Variants in LAMTOR3 observed in about 807,000 individuals in gnomAD.
LAMTOR3 encodes ragulator complex protein LAMTOR3.
Under a neutral mutation model 20.3 loss-of-function variants are expected in LAMTOR3, and 14 were observed. That is an observed-to-expected ratio of 0.69 (90% CI 0.46 to 1.08). The LOEUF (loss-of-function observed/expected upper bound fraction) is 1.08. Ranked by LOEUF, LAMTOR3 falls within the 50% of genes least tolerant of loss-of-function variation. The pLI is 0.00. For synonymous variants in LAMTOR3, 40 were observed against 49.4 expected (o/e 0.81, Z 0.80); for missense variants, 125 against 143.7 (o/e 0.87, Z 0.67).
At chr4:99,887,468 C>T in intron 3 of LAMTOR3, 114 bp from the exon 4 acceptor site, 1 of 383,666 alleles carries the variant, frequency 2.6e-6, no homozygotes, top group Non-Finnish European at 4.4e-6. Context: ...CATAATAATT[C>T]TCATGTATTT....
At chr4:99,887,918 G>A (rs772133904) in intron 3 of LAMTOR3, among the ~76,000 whole-genome samples, 3 of 152,206 alleles carry the variant, frequency 2.0e-5, no homozygotes, top group Non-Finnish European at 4.4e-5. Context: ...AAAAGAGGAG[G>A]CTGATGCAGA....
At position 99,890,883 on chromosome 4, in the gene LAMTOR3, C is replaced by A. The variant is rs1413277201; in HGVS notation, c.44+1117G>T. ...TTGGTATTATTCTCTAATTCCTTTA[C>A]ACAGACAGCTTCATCATATCCAGTG... On this transcript the variant is annotated intron_variant, in intron 3 of 6. Coordinates refer to ENST00000499666, the MANE Select transcript of LAMTOR3 (RefSeq NM_021970.4). Among the ~76,000 whole-genome samples the A allele has an allele frequency of 2.6e-5, 4 of 152,176 alleles. No homozygotes were observed. In the East Asian group the frequency reaches 7.7e-4, roughly 29 times the overall value.
In LAMTOR3 at chr4:99,882,030, C is replaced by A. The variant is rs927194698; in HGVS notation, c.339G>T (p.Leu113Phe). 4 of 1,598,198 alleles carry A rather than the reference C, an allele frequency of 2.5e-6. No homozygotes were observed. The highest frequency in any genetic ancestry group is 2.6e-6 in the Non-Finnish European group (3 of 1,174,646). ...IVSLEKELAP[L>F]FEELRQVVEV... ...CCACAACTTGTCTCAGTTCTTCAAA[C>A]AATGGAGCAAGTTCCTTTTCTAGGC... is the stretch of plus-strand genomic sequence containing the variant. Residue 113 changes from leucine (L) to phenylalanine (F), a missense_variant, in exon 7 of 7, where the codon TTG (leucine) becomes TTT (phenylalanine). By Grantham distance (22) the Leu-to-Phe change is conservative. Transcript: ENST00000499666.
At chr4:99,885,218 CA>C (rs1724900762) in intron 5 of LAMTOR3, among the ~76,000 whole-genome samples, 1 of 151,928 alleles carries the variant, frequency 6.6e-6, no homozygotes, top group Non-Finnish European at 1.5e-5. Context: ...GTTACTACAA[CA>C]AAAAAAGTGT....
At position 99,878,844 on chromosome 4, in the gene LAMTOR3, T is replaced by C. The variant is rs1724761715; in HGVS notation, c.*3150A>G. On this transcript the variant is annotated 3_prime_UTR_variant, in exon 7 of 7. Transcript: ENST00000499666. ...AAGAACAGCAGGTATAAACTGGTAG[T>C]GTTCAAAAAGCCAAAGCATATGGTT... 1 of 152,196 alleles carries C rather than the reference T, an allele frequency of 6.6e-6. No homozygotes were observed. Among genetic ancestry groups the C allele is most frequent in the South Asian group, 2.1e-4 (1 of 4,838 alleles). 9.4% of individuals were successfully genotyped at this position (152,196 alleles called of 1,614,324 possible).
At chr4:99,888,395 G>A (rs1250816471) in intron 3 of LAMTOR3, among the ~76,000 whole-genome samples, 6 of 152,208 alleles carry the variant, frequency 3.9e-5, no homozygotes, top group African/African-American at 1.4e-4. Context: ...AGTTATCAGT[G>A]AGAATCCCTG....
rs1724831542 is a variant in LAMTOR3 at position 99,881,773 on chromosome 4, G to A, written c.*221C>T. 2 of 490,116 alleles carry A rather than the reference G, an allele frequency of 4.1e-6. No individual in the cohort carries two copies. The highest frequency in any genetic ancestry group is 5.0e-5 in the South Asian group (2 of 39,824). The allele number at this position is 490,116 out of a possible 1,614,324, so 30.4% of individuals were successfully genotyped here. A position where few individuals can be genotyped will look rare whatever the true frequency, so the allele number is the denominator to read the frequency against. ...CTGTGATAGACTGAACCATTTCTGTGGTATCCCTAGATCTCACTAAATAAG... is the reference window on the plus strand; with the variant it reads ...CTGTGATAGACTGAACCATTTCTGTAGTATCCCTAGATCTCACTAAATAAG... On this transcript the variant is annotated 3_prime_UTR_variant, in exon 7 of 7. Transcript: ENST00000499666.
rs1245125916 is a variant in LAMTOR3, at chr4:99,880,176, A to G, written c.*1818T>C. The G allele has an allele frequency of 1.3e-5, 2 of 152,142 alleles. No individual in the cohort carries two copies. The highest frequency in any genetic ancestry group is 2.9e-5 in the Non-Finnish European group (2 of 68,018). The allele number at this position is 152,142 out of a possible 1,614,324, so 9.4% of individuals were successfully genotyped here. A position where few individuals can be genotyped will look rare whatever the true frequency, so the allele number is the denominator to read the frequency against. ...TCTGTGGTTCTATACCATCCTATGT[A>G]TAGCTTTATCATAGCACTTTCTATA... On this transcript the variant is annotated 3_prime_UTR_variant, in exon 7 of 7. Transcript: ENST00000499666.
intron 5 of LAMTOR3, 60 bp downstream of exon 5, chr4:99,885,482 T>C (rs1459404026): frequency 3.4e-6 from 5 of 1,458,896 alleles, no homozygotes; most frequent in South Asian, 2.7e-5. Flanking sequence ...ATTTTATATA[T>C]ATAAAAGGCA....
chr4:99,892,272 A>C (rs905144133), intron 2 of LAMTOR3, among the ~76,000 whole-genome samples: 1 of 152,266 alleles, frequency 6.6e-6, no homozygotes, highest in Non-Finnish European at 1.5e-5. Context: ...TAGAACCTAC[A>C]TCATAAAAGT....
chr4:99,885,459 T>G (rs1724904512), intron 5 of LAMTOR3, 83 bp downstream of exon 5: 3 of 1,235,032 alleles, frequency 2.4e-6, no homozygotes, highest in Non-Finnish European at 3.3e-6. Flanking sequence ...AATTGAGAAC[T>G]ATAACACAAA....
intron 4 of LAMTOR3, 71 bp downstream of exon 4, chr4:99,887,225 C>G: frequency 1.0e-6 from 1 of 977,846 alleles, no homozygotes; most frequent in Non-Finnish European, 1.5e-6. Context: ...TGCTGTACTA[C>G]TCAGATGTAA....
chr4:99,880,093 C>T lies in LAMTOR3; in HGVS notation c.*1901G>A, dbSNP rs1382917256. Reference sequence around the variant, plus strand: ...GCTCTTTGCAGGTAAAGCATTATATCTCTTGCCTCTATTTTATTTACAAAG... The same window carrying T: ...GCTCTTTGCAGGTAAAGCATTATATTTCTTGCCTCTATTTTATTTACAAAG... On this transcript the variant is annotated 3_prime_UTR_variant, in exon 7 of 7. Transcript: ENST00000499666. 1.3e-5 allele frequency: 2 copies of T among 152,106 alleles called. No homozygotes were observed. The highest frequency in any genetic ancestry group is 2.9e-5 in the Non-Finnish European group (2 of 68,036). 9.4% of individuals were successfully genotyped at this position (152,106 alleles called of 1,614,324 possible). A position where few individuals can be genotyped will look rare whatever the true frequency, so the allele number is the denominator to read the frequency against.
chr4:99,881,243 T>C lies in LAMTOR3; in HGVS notation c.*751A>G, dbSNP rs538409176. 12 of 152,264 alleles carry C rather than the reference T, an allele frequency of 7.9e-5. No homozygotes were observed. Among genetic ancestry groups the C allele is most frequent in the Non-Finnish European group, 1.3e-4 (9 of 68,022 alleles). 9.4% of individuals were successfully genotyped at this position (152,264 alleles called of 1,614,324 possible). A position where few individuals can be genotyped will look rare whatever the true frequency, so the allele number is the denominator to read the frequency against. On this transcript the variant is annotated 3_prime_UTR_variant, in exon 7 of 7. Coordinates refer to ENST00000499666, the MANE Select transcript of LAMTOR3 (RefSeq NM_021970.4). ...ATACTATTTTATTTTTACTCACATA[T>C]GAAAAAAATGGCTGTACTATCATGT... is the stretch of plus-strand genomic sequence containing the variant.
At chr4:99,892,131 T>G in intron 2 of LAMTOR3, 97 bp from the exon 3 acceptor site, 1 of 1,446,258 alleles carries the variant, frequency 6.9e-7, no homozygotes, top group South Asian at 1.5e-5. Context: ...TCAGTTATCA[T>G]TCATAACCTT....
intron 4 of LAMTOR3, among the ~76,000 whole-genome samples, chr4:99,886,320 A>C (rs1214297658): frequency 6.6e-6 from 1 of 152,178 alleles, no homozygotes; most frequent in Non-Finnish European, 1.5e-5. Context: ...AGCACACTGG[A>C]CCACACATCA....
intron 3 of LAMTOR3, among the ~76,000 whole-genome samples, chr4:99,888,525 T>G (rs1724968457): frequency 6.6e-6 from 1 of 152,232 alleles, no homozygotes; most frequent in Non-Finnish European, 1.5e-5. Context: ...ACATAAATCT[T>G]ATAGTCCTGT....
chr4:99,892,161 T>C, intron 2 of LAMTOR3, 127 bp from the exon 3 acceptor site: 1 of 1,386,270 alleles, frequency 7.2e-7, no homozygotes, highest in Non-Finnish European at 9.4e-7. Context: ...GTTTTATCTT[T>C]CTCTGTCTGA....
intron 3 of LAMTOR3, among the ~76,000 whole-genome samples, chr4:99,890,959 C>T (rs1725011429): frequency 6.6e-6 from 1 of 152,090 alleles, no homozygotes; most frequent in Non-Finnish European, 1.5e-5. Context: ...AAATGAGATC[C>T]CCATTGTCTG....
Sources: gnomAD v4.1 joint callset for allele counts (sites outside exome capture counted in the v4.1 genomes callset) on GRCh38, gnomAD v4.1.1 for gene constraint, MANE v1.5 for transcripts, NCBI Gene and HGNC (gene_info 2026-07-23, HGNC 2026-07-21) for gene names.